SLC1A1: variants seen among roughly 807,000 people sequenced by gnomAD.
SLC1A1 encodes the protein solute carrier family 1 member 1.
A neutral mutation model predicts 53.3 loss-of-function variants in SLC1A1; 43 were observed. That is an observed-to-expected ratio of 0.81 (90% CI 0.63 to 1.04). SLC1A1 has a LOEUF of 1.04. Among genes scored for constraint, SLC1A1 ranks in the 50% least tolerant of loss-of-function variants. The pLI is 0.00. For synonymous variants in SLC1A1, 307 were observed against 243.2 expected, an observed-to-expected ratio of 1.26 and a Z score of -2.44; for missense variants, 748 against 664.9, an observed-to-expected ratio of 1.12 and a Z score of -1.37.
intron 1 of SLC1A1, among the ~76,000 whole-genome samples, chr9:4,531,845 C>A (rs1465122611): frequency 6.6e-6 from 1 of 152,158 alleles, no homozygotes; most frequent in Non-Finnish European, 1.5e-5. Flanking sequence ...CAGGGTAACC[C>A]TCTGAGACAA....
chr9:4,557,342 C>G (rs1165980466), intron 2 of SLC1A1, among the ~76,000 whole-genome samples: 2 of 152,210 alleles, frequency 1.3e-5, no homozygotes, highest in African/African-American at 2.4e-5. Flanking sequence ...AGGCAAAGAG[C>G]TTTTCCTGAA....
intron 4 of SLC1A1, 146 bp from the exon 5 acceptor site, chr9:4,565,901 A>G (rs1046707752): frequency 4.2e-6 from 3 of 715,892 alleles, no homozygotes; most frequent in East Asian, 2.5e-5. Context: ...AAGAAATCTC[A>G]ATACAAGGAA....
intron 1 of SLC1A1, among the ~76,000 whole-genome samples, chr9:4,505,293 C>G (rs1313034439): frequency 6.6e-6 from 1 of 152,076 alleles, no homozygotes. Context: ...AGGTGATCCA[C>G]CTGCCTTGGC....
Position 4,544,590 on chromosome 9 carries a change from C to A in SLC1A1, c.115C>A (p.Arg39=), listed in dbSNP as rs1182048335. The change falls in exon 2 of 12, where the codon CGA becomes AGA. Residue 39 remains arginine (R), a synonymous_variant. Coordinates refer to ENST00000262352, the MANE Select transcript of SLC1A1 (RefSeq NM_004170.6). ...AGGCATTACCACAGGAGTCTTGGTTCGAGAACACAGCAACCTCTCAACTCT... is the reference window on the plus strand; with the variant it reads ...AGGCATTACCACAGGAGTCTTGGTTAGAGAACACAGCAACCTCTCAACTCT... The part of the protein sequence containing the change: ...VLGITTGVLV[R]EHSNLSTLEK... 2 of 1,613,604 alleles carry A rather than the reference C, an allele frequency of 1.2e-6. No homozygotes were observed. Among genetic ancestry groups the A allele is most frequent in the Non-Finnish European group, 1.7e-6 (2 of 1,179,718 alleles).
chr9:4,506,791 A>T (rs970673965), intron 1 of SLC1A1, among the ~76,000 whole-genome samples: 4 of 152,188 alleles, frequency 2.6e-5, no homozygotes, highest in African/African-American at 9.7e-5. Context: ...GGGTTGGCAG[A>T]TCACAGTGTG....
At position 4,549,393 on chromosome 9, in the gene SLC1A1, G is replaced by A. The variant is rs1817744750; in HGVS notation, c.232+4686G>A. Reference sequence around the variant, plus strand: ...GCTTAATTCTCCAAAGTGCAGCTGAGACCACACTTCTACTCAGGACATAAT... The same window carrying A: ...GCTTAATTCTCCAAAGTGCAGCTGAAACCACACTTCTACTCAGGACATAAT... On this transcript the variant is annotated intron_variant, in intron 2 of 11. Transcript: ENST00000262352. This position sits in a 1 kb window ranked among gnomAD's most constrained non-coding sequence, Gnocchi z 4.1. Among the ~76,000 whole-genome samples, 2 of 152,158 alleles carry A rather than the reference G, an allele frequency of 1.3e-5. No individual in the cohort carries two copies. Among genetic ancestry groups the A allele is most frequent in the African/African-American group, 4.8e-5 (2 of 41,420 alleles).
chr9:4,546,111 T>C (rs2130881828), intron 2 of SLC1A1, among the ~76,000 whole-genome samples: 1 of 152,308 alleles, frequency 6.6e-6, no homozygotes, highest in Non-Finnish European at 1.5e-5. Context: ...CTGCATTGCT[T>C]GAAGAGCTGT....
intron 1 of SLC1A1, among the ~76,000 whole-genome samples, chr9:4,534,598 A>G (rs1816602932): frequency 6.6e-6 from 1 of 152,070 alleles, no homozygotes; most frequent in South Asian, 2.1e-4. Context: ...AAAGTCCAGG[A>G]CCAGATGGAT....
chr9:4,583,251 C>A lies in SLC1A1; in HGVS notation c.1328+79C>A, dbSNP rs1586870481. ...CCTCGCAGGCGCTGCAGTCTGTCAT[C>A]ATTCTCTCCTCAGATTGCCTAATGA... On this transcript the variant is annotated intron_variant, in intron 11 of 11. Coordinates refer to ENST00000262352, the MANE Select transcript of SLC1A1 (RefSeq NM_004170.6). This position sits in a 1 kb window ranked among gnomAD's most constrained non-coding sequence, Gnocchi z 4.6. The A allele has an allele frequency of 6.4e-7, 1 of 1,571,528 alleles. No homozygotes were observed.
chr9:4,552,480 G>A (rs933419732), intron 2 of SLC1A1, among the ~76,000 whole-genome samples: 2 of 152,112 alleles, frequency 1.3e-5, no homozygotes, highest in African/African-American at 2.4e-5. Flanking sequence ...CTGGAAACGT[G>A]GGCAAGAGGA....
intron 2 of SLC1A1, 50 bp downstream of exon 2, chr9:4,544,757 T>C (rs1817315049): frequency 2.1e-6 from 3 of 1,445,216 alleles, no homozygotes; most frequent in Non-Finnish European, 2.9e-6. Flanking sequence ...TTCATACTGC[T>C]GTAAAGAACT....
rs549325258 is a variant in SLC1A1, at chr9:4,569,116, T to G, written c.582+1349T>G. On this transcript the variant is annotated intron_variant, in intron 6 of 11. Coordinates refer to ENST00000262352, the MANE Select transcript of SLC1A1 (RefSeq NM_004170.6). ...CCTGTTGCCTCTACCTCTCTGGGTC[T>G]GCTTACAGTAGAGCTGGCCATCTCT... is the stretch of plus-strand genomic sequence containing the variant. 3.9e-5 allele frequency among the ~76,000 whole-genome samples: 6 copies of G among 152,252 alleles called. No homozygotes were observed. In the South Asian group the frequency reaches 1.3e-3, roughly 32 times the overall value.
At chr9:4,584,253 C>T (rs1405201437) in intron 11 of SLC1A1, among the ~76,000 whole-genome samples, 2 of 152,254 alleles carry the variant, frequency 1.3e-5, no homozygotes, top group Non-Finnish European at 2.9e-5. Context: ...GGCTTGGAAG[C>T]TGTGCCATGA....
rs531755124 is a variant in SLC1A1 at position 4,534,377 on chromosome 9, GA to G, written c.92-10189del. Among the ~76,000 whole-genome samples the G allele has an allele frequency of 1.2e-3, 188 of 152,194 alleles. 1 individual carries two copies. The highest frequency in any genetic ancestry group is 4.3e-3 in the African/African-American group (178 of 41,534). ...GATGCAATTAAAAAATGATAAAGGGGATATCACCACTGATCCCACAGAAATA... is the reference window on the plus strand; with the variant it reads ...GATGCAATTAAAAAATGATAAAGGGGTATCACCACTGATCCCACAGAAATA... On this transcript the variant is annotated intron_variant, in intron 1 of 11. Coordinates refer to ENST00000262352, the MANE Select transcript of SLC1A1 (RefSeq NM_004170.6).
At chr9:4,567,554 A>G in intron 5 of SLC1A1, 115 bp from the exon 6 acceptor site, 1 of 713,550 alleles carries the variant, frequency 1.4e-6, no homozygotes, top group East Asian at 2.7e-5. Flanking sequence ...CATTGGATGT[A>G]GATCCCTTCA....
At chr9:4,550,977 A>G (rs1018028792) in intron 2 of SLC1A1, among the ~76,000 whole-genome samples, 1 of 152,244 alleles carries the variant, frequency 6.6e-6, no homozygotes, top group Non-Finnish European at 1.5e-5. Context: ...ACAGGAGGCC[A>G]GCCAGGAGCT....
At chr9:4,580,741 T>C (rs934510014) in intron 10 of SLC1A1, among the ~76,000 whole-genome samples, 1 of 151,524 alleles carries the variant, frequency 6.6e-6, no homozygotes, top group Non-Finnish European at 1.5e-5. Flanking sequence ...ATAGTAGTAG[T>C]AGTAGTTGTT....
intron 10 of SLC1A1, among the ~76,000 whole-genome samples, chr9:4,580,601 A>G (rs13290925): frequency 0.29 from 20,019 of 68,556 alleles, 2,270 homozygotes; most frequent in East Asian, 0.65. Flanking sequence ...AAAAATATAT[A>G]TGTGTGTGTG....
chr9:4,568,173 A>G (rs1388149265), intron 6 of SLC1A1, among the ~76,000 whole-genome samples: 1 of 152,148 alleles, frequency 6.6e-6, no homozygotes, highest in Non-Finnish European at 1.5e-5. Context: ...TAATCCCAGC[A>G]TGCTGGGATG....
Sources: allele counts gnomAD v4.1 joint callset (sites outside exome capture counted in the v4.1 genomes callset), GRCh38; gene constraint gnomAD v4.1.1; non-coding constraint Gnocchi (gnomAD v3.1); transcripts MANE v1.5; gene names NCBI Gene and HGNC (gene_info 2026-07-23, HGNC 2026-07-21).